The following GPR83 variants were observed in gnomAD, a reference collection of about 807,000 sequenced individuals.
GPR83 encodes the protein G protein-coupled receptor 83, also known as G-protein coupled receptor 72.
Under a neutral mutation model 28.0 loss-of-function variants are expected in GPR83, and 23 were observed. That is an observed-to-expected ratio of 0.82 (90% CI 0.59 to 1.16). The LOEUF is 1.16. Ranked by LOEUF, GPR83 falls within the 50% of genes most tolerant of loss-of-function variation. The pLI is 0.00. For missense variants in GPR83, 610 were observed against 536.6 expected, an observed-to-expected ratio of 1.14 and a Z score of -1.35; for synonymous variants, 234 against 215.4, an observed-to-expected ratio of 1.09 and a Z score of -0.76.
chr11:94,393,739 T>A, intron 2 of GPR83, 121 bp from the exon 3 acceptor site: 2 of 831,708 alleles, frequency 2.4e-6, no homozygotes, highest in Non-Finnish European at 3.9e-6. Context: ...GGCAGAAGGA[T>A]CACTTGAGCC....
chr11:94,400,761 AC>A, intron 1 of GPR83, 99 bp downstream of exon 1: 2 of 1,005,004 alleles, frequency 2.0e-6, no homozygotes, highest in South Asian at 3.1e-5. Context: ...AGAAGTGGGG[AC>A]CCACAGGGAG....
intron 3 of GPR83, among the ~76,000 whole-genome samples, chr11:94,389,481 A>AAAGAC (rs1944793141): frequency 1.3e-5 from 2 of 151,680 alleles, no homozygotes; most frequent in Non-Finnish European, 3.0e-5. Context: ...TTTACAAGAA[A>AAAGAC]AATCAACCCC....
rs151058940 is a variant in GPR83 at position 94,401,070 on chromosome 11, G to T, written c.178C>A (p.Arg60Ser). ...GGGTTCTGGGACTCAGCGCCGTAGC[G>T]CCTCCTGCCCACAAAGTTCTGCCAG... Reference protein sequence around the residue: ...SDWQNFVGRRRYGAESQNPTV... With the variant: ...SDWQNFVGRRSYGAESQNPTV... Residue 60 changes from arginine to serine, a missense_variant, in exon 1 of 4, where the codon CGC (arginine) becomes AGC (serine). By Grantham distance (110) the Arg-to-Ser change is moderately radical. Transcript: ENST00000243673. The T allele has an allele frequency of 2.2e-4, 358 of 1,614,072 alleles. 1 individual carries two copies. Among genetic ancestry groups the T allele is most frequent in the Non-Finnish European group, 3.0e-4 (349 of 1,179,990 alleles).
intron 3 of GPR83, 98 bp from the exon 4 acceptor site, chr11:94,380,871 G>C: frequency 9.6e-7 from 1 of 1,045,506 alleles, no homozygotes; most frequent in Non-Finnish European, 1.4e-6. Flanking sequence ...TCCTTCCACT[G>C]GGCTCCTGGT....
In GPR83 at chr11:94,380,697, C is replaced by A; in HGVS notation, c.724G>T (p.Ala242Ser). 6.2e-7 allele frequency: 1 copy of A among 1,613,354 alleles called. No individual in the cohort carries two copies. The highest frequency in any genetic ancestry group is 8.5e-7 in the Non-Finnish European group (1 of 1,179,958). Reference protein sequence around the residue: ...ADLFWKYLDLATFILLYILPL... With the variant: ...ADLFWKYLDLSTFILLYILPL... Reference sequence around the variant, plus strand: ...AGGATGTAGAGCAGGATGAAGGTGGCCAAGTCCAGGTACTTCCAGAAGAGG... The same window carrying A: ...AGGATGTAGAGCAGGATGAAGGTGGACAAGTCCAGGTACTTCCAGAAGAGG... Residue 242 changes from alanine (A) to serine (S), a missense_variant, in exon 4 of 4, where the codon GCC (alanine) becomes TCC (serine). Ala to Ser is a moderately conservative substitution (Grantham distance 99). Transcript: ENST00000243673.
At chr11:94,385,376 G>A (rs541013269) in intron 3 of GPR83, among the ~76,000 whole-genome samples, 9 of 152,150 alleles carry the variant, frequency 5.9e-5, no homozygotes, top group African/African-American at 2.2e-4. Flanking sequence ...GAGAGAAGAA[G>A]GCTTCAGACG....
At chr11:94,388,893 T>A (rs916499600) in intron 3 of GPR83, among the ~76,000 whole-genome samples, 3 of 152,176 alleles carry the variant, frequency 2.0e-5, no homozygotes, top group Admixed American at 2.0e-4. Flanking sequence ...AGAACAAAGC[T>A]GGAGGCATCA....
chr11:94,387,975 C>A (rs750587504), intron 3 of GPR83, among the ~76,000 whole-genome samples: 90 of 152,216 alleles, frequency 5.9e-4, no homozygotes, highest in Non-Finnish European at 1.2e-3. Flanking sequence ...GCTTATCCAC[C>A]ATGATCAAGT....
Position 94,396,382 on chromosome 11 carries a change from G to A in GPR83, c.513+17C>T, listed in dbSNP as rs764728801. The A allele has an allele frequency of 6.2e-7, 1 of 1,612,216 alleles. No homozygotes were observed. Among genetic ancestry groups the A allele is most frequent in the South Asian group, 1.1e-5 (1 of 91,014 alleles). ...CAAGAGAGGGAAGAGCAGAGCATTA[G>A]GGGTAGGTGCCCTCACCTGGTGGCG... On this transcript the variant is annotated intron_variant, in intron 2 of 3. Coordinates refer to ENST00000243673, the MANE Select transcript of GPR83 (RefSeq NM_016540.4).
At chr11:94,397,689 A>C (rs1055632557) in intron 1 of GPR83, among the ~76,000 whole-genome samples, 1 of 152,266 alleles carries the variant, frequency 6.6e-6, no homozygotes, top group Non-Finnish European at 1.5e-5. Context: ...TGCCTAGTAC[A>C]TAGCAAGTAC....
chr11:94,396,361 A>G, intron 2 of GPR83, 38 bp downstream of exon 2: 6 of 1,598,070 alleles, frequency 3.8e-6, no homozygotes, highest in Non-Finnish European at 5.1e-6. Flanking sequence ...GGGAAGCAAG[A>G]GAGGGAAGAG....
chr11:94,389,910 G>A (rs561421635), intron 3 of GPR83, among the ~76,000 whole-genome samples: 6 of 152,300 alleles, frequency 3.9e-5, no homozygotes, highest in Admixed American at 2.6e-4. Flanking sequence ...GCAAAGACTT[G>A]GAGCCAACCC....
In GPR83 at chr11:94,379,323, A is replaced by T. The variant is rs1184565870; in HGVS notation, c.*826T>A. The T allele has an allele frequency of 6.9e-6, 1 of 145,726 alleles. No homozygotes were observed. The highest frequency in any genetic ancestry group is 2.5e-5 in the African/African-American group (1 of 39,600). The allele number at this position is 145,726 out of a possible 1,614,324, so 9.0% of individuals were successfully genotyped here. A position where few individuals can be genotyped will look rare whatever the true frequency, so the allele number is the denominator to read the frequency against. ...GAGGCAGAGCTTGCAGTGAGCCGAG[A>T]TTGTGCCACTGAACTCCAACCTGGG... is the stretch of plus-strand genomic sequence containing the variant. On this transcript the variant is annotated 3_prime_UTR_variant, in exon 4 of 4. Transcript: ENST00000243673.
At position 94,392,036 on chromosome 11, in the gene GPR83, C is replaced by T. The variant is rs370585922; in HGVS notation, c.647+1449G>A. Among the ~76,000 whole-genome samples the T allele has an allele frequency of 7.2e-5, 11 of 152,058 alleles. No homozygotes were observed. In the East Asian group the frequency reaches 1.4e-3, roughly 19 times the overall value. On this transcript the variant is annotated intron_variant, in intron 3 of 3. Transcript: ENST00000243673. ...GACACACGCACACATATGTTTATTG[C>T]GGCACTATTCACAATAGCAAAGACT...
chr11:94,401,156 G>A lies in GPR83; in HGVS notation c.92C>T (p.Ala31Val). The change falls in exon 1 of 4, where the codon GCG becomes GTG. Residue 31 changes from alanine (A) to valine (V), a missense_variant. Physicochemically the swap from Ala to Val is moderately conservative, Grantham distance 64 (BLOSUM62 0). Transcript: ENST00000243673. The part of the protein sequence containing the change: ...EGRADEQSAE[A>V]ALAVPNASHF... ...CGAGGCATTGGGCACGGCCAGGGCC[G>A]CCTCCGCGCTCTGCTCGTCGGCCCG... 6.2e-7 allele frequency: 1 copy of A among 1,614,102 alleles called. No individual in the cohort carries two copies.
At chr11:94,386,854 C>T (rs762245009) in intron 3 of GPR83, among the ~76,000 whole-genome samples, 1 of 152,180 alleles carries the variant, frequency 6.6e-6, no homozygotes, top group African/African-American at 2.4e-5. Flanking sequence ...AACTCTCCAC[C>T]CCAAATCAAC....
chr11:94,384,523 G>A (rs1944727817), intron 3 of GPR83, among the ~76,000 whole-genome samples: 1 of 152,226 alleles, frequency 6.6e-6, no homozygotes, highest in East Asian at 1.9e-4. Context: ...CACAAAGCAT[G>A]AGCCGAAGCA....
chr11:94,393,608 T>C lies in GPR83; in HGVS notation c.524A>G (p.His175Arg), dbSNP rs201057163. ...GATTGAGATCCGGGGTTTCAAGGGG[T>C]GCATGATGACCTGGAAAACAAGCAA... Reference protein sequence around the residue: ...IAVDRHQVIMHPLKPRISITK... With the variant: ...IAVDRHQVIMRPLKPRISITK... Residue 175 changes from histidine (H) to arginine (R), a missense_variant, in exon 3 of 4, where the codon CAC (histidine) becomes CGC (arginine). His to Arg is a conservative substitution (Grantham distance 29, BLOSUM62 0). Coordinates refer to ENST00000243673, the MANE Select transcript of GPR83 (RefSeq NM_016540.4). The C allele has an allele frequency of 2.0e-5, 33 of 1,613,652 alleles. No homozygotes were observed. The highest frequency in any genetic ancestry group is 2.7e-5 in the Non-Finnish European group (32 of 1,179,852).
rs767317752 is a variant in GPR83, at chr11:94,393,523, T to C, written c.609A>G (p.Pro203=). ...IWTMATFFSL[P]HAICQKLFTF... is the part of the protein sequence containing the mutation. ...TAAATAATTTCTGGCAGATAGCATG[T>C]GGGAGTGAAAAGAACGTAGCCATGG... Residue 203 remains proline, a synonymous_variant, in exon 3 of 4, where the codon CCA becomes CCG. Coordinates refer to ENST00000243673, the MANE Select transcript of GPR83 (RefSeq NM_016540.4). The C allele has an allele frequency of 3.1e-6, 5 of 1,613,952 alleles. No homozygotes were observed. In the African/African-American group the frequency reaches 4.0e-5, roughly 13 times the overall value.
Sources: allele counts gnomAD v4.1 joint callset (sites outside exome capture counted in the v4.1 genomes callset), GRCh38; gene constraint gnomAD v4.1.1; transcripts MANE v1.5; gene names NCBI Gene and HGNC (gene_info 2026-07-23, HGNC 2026-07-21).